SYCP2: variants seen among roughly 807,000 people sequenced by gnomAD.
SYCP2 encodes synaptonemal complex protein 2, also known as synaptonemal complex lateral element protein.
SYCP2 carries 55 observed loss-of-function variants against 211.3 expected under a neutral mutation model. The observed-to-expected ratio is 0.26, with a 90% CI of 0.21 to 0.33. The LOEUF is 0.33. Among genes scored for constraint, SYCP2 ranks in the 10% least tolerant of loss-of-function variants. The pLI is 1.00. For missense variants in SYCP2, 1,731 were observed against 1,752.0 expected (o/e 0.99, Z 0.21); for synonymous variants, 570 against 555.2 (o/e 1.03, Z -0.37).
At chr20:59,933,044 C>A (rs1346272179) in intron 1 of SYCP2, among the ~76,000 whole-genome samples, 2 of 152,084 alleles carry the variant, frequency 1.3e-5, no homozygotes, top group South Asian at 4.1e-4. Flanking sequence ...CACACACACA[C>A]CCGAGATGCG....
chr20:59,903,649 G>A (rs930888692), intron 15 of SYCP2, among the ~76,000 whole-genome samples: 1 of 152,140 alleles, frequency 6.6e-6, no homozygotes, highest in African/African-American at 2.4e-5. Context: ...ATACAAAGAT[G>A]TTTGGAGACG....
Position 59,895,448 on chromosome 20 carries a change from T to C in SYCP2, c.1654A>G (p.Asn552Asp). The C allele has an allele frequency of 1.2e-6, 2 of 1,602,562 alleles. No homozygotes were observed. Among genetic ancestry groups the C allele is most frequent in the South Asian group, 1.1e-5 (1 of 87,998 alleles). The change falls in exon 20 of 45, where the codon AAT becomes GAT. Residue 552 changes from asparagine (N) to aspartate (D), a missense_variant. Around this residue, in one of 3 missense-constraint regions of SYCP2, gnomAD observed 1,387 missense variants for 1,351.3 expected, o/e 1.03. Coordinates refer to ENST00000357552, the MANE Select transcript of SYCP2 (RefSeq NM_014258.4). ...RSSEGRHRRD[N>D]IDKHIKTAKC... ...CAAGGTAAAGTTACTTTGTCTATAT[T>C]ATCTCTTCTATGTCTTCCTTCTGAT... is the stretch of plus-strand genomic sequence containing the variant.
intron 4 of SYCP2, 86 bp downstream of exon 4, chr20:59,921,224 C>T (rs1396981948): frequency 6.0e-6 from 7 of 1,162,894 alleles, no homozygotes; most frequent in African/African-American, 1.6e-5. Context: ...CAAGCCTATT[C>T]ATTTTTTTCT....
intron 36 of SYCP2, among the ~76,000 whole-genome samples, chr20:59,869,200 G>C (rs1444944692): frequency 6.6e-6 from 1 of 151,514 alleles, no homozygotes; most frequent in Non-Finnish European, 1.5e-5. Context: ...CTTTGAGTCA[G>C]GAAATGAGGA....
chr20:59,921,577 C>A lies in SYCP2; in HGVS notation c.25-124G>T, dbSNP rs75501154. The A allele has an allele frequency of 4.7e-3, 2,710 of 582,212 alleles. 74 individuals are homozygous for A. The African/African-American group carries it at 0.048, about 10-fold the overall frequency. 36.1% of individuals were successfully genotyped at this position (582,212 alleles called of 1,614,324 possible). The stretch of plus-strand genomic sequence containing the variant: ...CAAATGAACTCATAAAATATTAATT[C>A]ACGTATTTTTTAAAAATATGGCCAC... On this transcript the variant is annotated intron_variant, in intron 3 of 44. Transcript: ENST00000357552.
intron 24 of SYCP2, among the ~76,000 whole-genome samples, chr20:59,887,366 T>C (rs188553966): frequency 6.6e-6 from 1 of 152,120 alleles, no homozygotes; most frequent in African/African-American, 2.4e-5. Flanking sequence ...CATGGTGTAT[T>C]TGTGCCACAT....
At chr20:59,894,462 A>G (rs1225823833) in intron 20 of SYCP2, among the ~76,000 whole-genome samples, 1 of 151,998 alleles carries the variant, frequency 6.6e-6, no homozygotes, top group East Asian at 1.9e-4. Flanking sequence ...TTCAACTCTC[A>G]TACCCTTTAT....
intron 28 of SYCP2, 22 bp downstream of exon 28, chr20:59,881,923 G>C: frequency 6.3e-7 from 1 of 1,586,462 alleles, no homozygotes. Context: ...TAAATACAAA[G>C]TATCTTGGTA....
At chr20:59,928,682 C>A (rs1235501781) in intron 2 of SYCP2, among the ~76,000 whole-genome samples, 1 of 152,030 alleles carries the variant, frequency 6.6e-6, no homozygotes, top group Non-Finnish European at 1.5e-5. Flanking sequence ...ATTGGAAGTT[C>A]ATATTTGAGT....
chr20:59,915,518 TTTG>T lies in SYCP2; in HGVS notation c.543_545del (p.Asp181_Lys182delinsGlu), dbSNP rs747417846. The T allele has an allele frequency of 6.2e-6, 10 of 1,610,330 alleles. No homozygotes were observed. In the South Asian group the frequency reaches 1.1e-4, roughly 18 times the overall value. On this transcript the variant is annotated inframe_deletion, in exon 9 of 45. Coordinates refer to ENST00000357552, the MANE Select transcript of SYCP2 (RefSeq NM_014258.4). The stretch of plus-strand genomic sequence containing the variant: ...GTATTTTCCGGGCATCTTGAGGCAT[TTTG>T]TCAAGCATAGCATTCATTTTTTTTA...
In SYCP2 at chr20:59,864,290, T is replaced by G; in HGVS notation, c.*21A>C. The stretch of plus-strand genomic sequence containing the variant: ...TACAGAGAATAATAATTAGATAAAG[T>G]ATGGTGATAAAAACTAGATTTCACA... On this transcript the variant is annotated 3_prime_UTR_variant, in exon 45 of 45. Coordinates refer to ENST00000357552, the MANE Select transcript of SYCP2 (RefSeq NM_014258.4). The G allele has an allele frequency of 6.7e-7, 1 of 1,492,576 alleles. No homozygotes were observed. Among genetic ancestry groups the G allele is most frequent in the Non-Finnish European group, 9.3e-7 (1 of 1,080,882 alleles). 92.5% of individuals were successfully genotyped at this position (1,492,576 alleles called of 1,614,324 possible). A position where few individuals can be genotyped will look rare whatever the true frequency, so the allele number is the denominator to read the frequency against.
At chr20:59,912,289 T>C (rs1600951058) in intron 13 of SYCP2, 84 bp downstream of exon 13, 1 of 604,136 alleles carries the variant, frequency 1.7e-6, no homozygotes, top group Non-Finnish European at 2.9e-6. Context: ...ATTTTTAGTG[T>C]TCTTATTCAT....
chr20:59,902,143 G>A (rs921826076), intron 15 of SYCP2, among the ~76,000 whole-genome samples: 1 of 151,768 alleles, frequency 6.6e-6, no homozygotes, highest in African/African-American at 2.4e-5. Flanking sequence ...TTTAAAAAAA[G>A]GCAAACAAAA....
intron 2 of SYCP2, among the ~76,000 whole-genome samples, chr20:59,924,155 T>C (rs2060591539): frequency 6.6e-6 from 1 of 151,892 alleles, no homozygotes; most frequent in Admixed American, 6.6e-5. Context: ...GGAGGGGAAG[T>C]TAAAATTAAG....
chr20:59,926,374 T>C (rs1177030936), intron 2 of SYCP2, among the ~76,000 whole-genome samples: 1 of 151,998 alleles, frequency 6.6e-6, no homozygotes, highest in African/African-American at 2.4e-5. Context: ...AGAAGGATCT[T>C]TAAGCTTCTG....
chr20:59,931,500 A>G (rs2060740098), intron 2 of SYCP2, among the ~76,000 whole-genome samples: 1 of 152,224 alleles, frequency 6.6e-6, no homozygotes. Context: ...AACTTGATTT[A>G]AAACTTTAAA....
intron 2 of SYCP2, among the ~76,000 whole-genome samples, chr20:59,926,592 C>G (rs538975563): frequency 6.6e-6 from 1 of 152,166 alleles, no homozygotes; most frequent in South Asian, 2.1e-4. Context: ...ATGCAAAAGA[C>G]CCTATTTCCA....
At chr20:59,865,021 C>A (rs2059301212) in intron 44 of SYCP2, among the ~76,000 whole-genome samples, 1 of 151,970 alleles carries the variant, frequency 6.6e-6, no homozygotes, top group Non-Finnish European at 1.5e-5. Flanking sequence ...GACAGTAATT[C>A]TTCCACTAAA....
intron 14 of SYCP2, among the ~76,000 whole-genome samples, chr20:59,908,870 A>C (rs903180619): frequency 1.3e-5 from 2 of 152,022 alleles, no homozygotes; most frequent in South Asian, 2.1e-4. Context: ...TAATATACCC[A>C]AAAAAACCCC....
Sources: allele counts gnomAD v4.1 joint callset (sites outside exome capture counted in the v4.1 genomes callset), GRCh38; gene constraint gnomAD v4.1.1; regional missense constraint gnomAD v4.1.1; transcripts MANE v1.5; gene names NCBI Gene and HGNC (gene_info 2026-07-23, HGNC 2026-07-21).